Variants in PTPRN2 observed in about 807,000 individuals in gnomAD.
PTPRN2 encodes protein tyrosine phosphatase receptor type N2.
In PTPRN2, 74 loss-of-function variants were observed where a neutral mutation model predicts 118.8. That is an observed-to-expected ratio of 0.62 (90% CI 0.52 to 0.76). The LOEUF (loss-of-function observed/expected upper bound fraction) is 0.76. PTPRN2 is among the 30% of genes least tolerant of loss of function. The probability of loss-of-function intolerance (pLI) is 0.00; values close to 1 mark genes in which losing one functional copy is unlikely to be tolerated. For missense variants in PTPRN2, 1,481 were observed against 1,394.4 expected (o/e 1.06, Z -0.99); for synonymous variants, 641 against 608.0 (o/e 1.05, Z -0.80).
At chr7:158,149,927 A>C (rs1453474996) in intron 6 of PTPRN2, among the ~76,000 whole-genome samples, 1 of 152,180 alleles carries the variant, frequency 6.6e-6, no homozygotes, top group East Asian at 1.9e-4. Flanking sequence ...AATTTAATAT[A>C]AAATAAATAA....
chr7:158,040,617 T>C (rs184554692), intron 11 of PTPRN2, among the ~76,000 whole-genome samples: 1 of 152,236 alleles, frequency 6.6e-6, no homozygotes, highest in East Asian at 1.9e-4. Context: ...AACACCCAAC[T>C]TAAAATTCTA....
chr7:158,577,849 C>T (rs765746088), intron 1 of PTPRN2, among the ~76,000 whole-genome samples: 36 of 152,214 alleles, frequency 2.4e-4, no homozygotes, highest in Non-Finnish European at 4.7e-4. Flanking sequence ...AGGGAAAGGG[C>T]CCTGTGCAAA....
At chr7:157,582,731 G>C (rs1182299392) in intron 17 of PTPRN2, among the ~76,000 whole-genome samples, 1 of 151,776 alleles carries the variant, frequency 6.6e-6, no homozygotes, top group East Asian at 1.9e-4. Context: ...AAAATTAGCC[G>C]GGTATCGTGG....
chr7:157,955,725 C>A (rs1472701049), intron 11 of PTPRN2, among the ~76,000 whole-genome samples: 1 of 152,156 alleles, frequency 6.6e-6, no homozygotes, highest in African/African-American at 2.4e-5. Flanking sequence ...CAGCTCAGCC[C>A]CGCAGGGTGC....
chr7:157,789,364 C>T (rs111642987), intron 12 of PTPRN2, among the ~76,000 whole-genome samples: 63 of 152,342 alleles, frequency 4.1e-4, no homozygotes, highest in African/African-American at 1.4e-3. Flanking sequence ...GGCAGCCAGA[C>T]CCACCCTGGG....
intron 2 of PTPRN2, among the ~76,000 whole-genome samples, chr7:158,351,567 C>T (rs1048304566): frequency 6.6e-6 from 1 of 152,188 alleles, no homozygotes; most frequent in Non-Finnish European, 1.5e-5. Context: ...TTTCTTACTA[C>T]ACGAAACATG....
chr7:157,772,687 A>G (rs2952652), intron 12 of PTPRN2, among the ~76,000 whole-genome samples: 51,200 of 152,228 alleles, frequency 0.34, 10,547 homozygotes, highest in African/African-American at 0.57. Context: ...GGCTCTCGGC[A>G]TTGGGTCTCA....
intron 12 of PTPRN2, among the ~76,000 whole-genome samples, chr7:157,837,147 C>CCATGTGT (rs1808015110): frequency 7.0e-6 from 1 of 143,280 alleles, no homozygotes; most frequent in Non-Finnish European, 1.5e-5. Flanking sequence ...ATCCACACAT[C>CCATGTGT]CGCCCTTCCG....
intron 2 of PTPRN2, among the ~76,000 whole-genome samples, chr7:158,339,451 T>C (rs1160490982): frequency 3.2e-4 from 3 of 9,424 alleles, no homozygotes; most frequent in Admixed American, 7.5e-4. Context: ...AGATGTCACT[T>C]ACACCCACAC....
chr7:157,820,934 G>A (rs1806797605), intron 12 of PTPRN2, among the ~76,000 whole-genome samples: 1 of 152,232 alleles, frequency 6.6e-6, no homozygotes, highest in African/African-American at 2.4e-5. Flanking sequence ...AACTGCCACA[G>A]GGCAGCAGGA....
chr7:158,203,225 C>CAAAAAAAAAAAAAAA (rs56016358), intron 4 of PTPRN2, among the ~76,000 whole-genome samples: 2 of 50,340 alleles, frequency 4.0e-5, no homozygotes, highest in Non-Finnish European at 7.8e-5. Context: ...AAGCAAGAGC[C>CAAAAAAAAAAAAAAA]AAAAAAAAAA....
At chr7:158,169,182 T>C (rs1327718896) in intron 5 of PTPRN2, among the ~76,000 whole-genome samples, 2 of 152,162 alleles carry the variant, frequency 1.3e-5, no homozygotes, top group Non-Finnish European at 2.9e-5. Context: ...TCCTCTGAGT[T>C]AGATTTTTGA....
At chr7:157,665,961 C>T (rs1796115999) in intron 13 of PTPRN2, among the ~76,000 whole-genome samples, 1 of 152,128 alleles carries the variant, frequency 6.6e-6, no homozygotes, top group Admixed American at 6.5e-5. Context: ...AAGGCGGGGA[C>T]CATCACACAC....
chr7:157,769,878 C>T (rs1348000588), intron 12 of PTPRN2, among the ~76,000 whole-genome samples: 3 of 152,236 alleles, frequency 2.0e-5, no homozygotes, highest in Non-Finnish European at 4.4e-5. Flanking sequence ...CGCCCCTTTG[C>T]ACACTTTATT....
At chr7:157,934,668 T>C (rs936174781) in intron 11 of PTPRN2, among the ~76,000 whole-genome samples, 1 of 152,250 alleles carries the variant, frequency 6.6e-6, no homozygotes, top group Non-Finnish European at 1.5e-5. Context: ...GAGCAAAGCA[T>C]CCGGCCTTGG....
intron 12 of PTPRN2, among the ~76,000 whole-genome samples, chr7:157,716,432 A>G (rs553852940): frequency 9.4e-6 from 1 of 106,684 alleles, no homozygotes; most frequent in Non-Finnish European, 1.9e-5. Flanking sequence ...GGCCACGTAG[A>G]CTCTGCAGGA....
At chr7:158,006,051 T>G (rs1324435943) in intron 11 of PTPRN2, among the ~76,000 whole-genome samples, 1 of 152,166 alleles carries the variant, frequency 6.6e-6, no homozygotes, top group African/African-American at 2.4e-5. Context: ...ATAAACATGT[T>G]CAAAGCTCCT....
chr7:157,547,945 G>T lies in PTPRN2; in HGVS notation c.2976+1001C>A, dbSNP rs532162572. On this transcript the variant is annotated intron_variant, in intron 22 of 22. Transcript: ENST00000389418. Reference sequence around the variant, plus strand: ...GTCCTGCTCCAGGGGAAGCTCCCTGGGGGGGCGCGTAGGGCATCGCTGGGC... The same window carrying T: ...GTCCTGCTCCAGGGGAAGCTCCCTGTGGGGGCGCGTAGGGCATCGCTGGGC... Among the ~76,000 whole-genome samples the T allele has an allele frequency of 2.0e-5, 3 of 152,216 alleles. No individual in the cohort carries two copies. In the East Asian group the frequency reaches 5.8e-4, roughly 29 times the overall value.
chr7:157,945,939 C>T (rs978210034), intron 11 of PTPRN2, among the ~76,000 whole-genome samples: 1 of 152,122 alleles, frequency 6.6e-6, no homozygotes, highest in Non-Finnish European at 1.5e-5. Context: ...CATCCCTACC[C>T]TGCTTGCTGG....
Sources: allele counts gnomAD v4.1 joint callset (sites outside exome capture counted in the v4.1 genomes callset), GRCh38; gene constraint gnomAD v4.1.1; transcripts MANE v1.5; gene names NCBI Gene and HGNC (gene_info 2026-07-23, HGNC 2026-07-21).